The following PPP1R42 variants were observed in gnomAD, a reference collection of about 807,000 sequenced individuals.
PPP1R42 encodes the protein leucine rich repeat containing 67.
PPP1R42 carries 34 observed loss-of-function variants against 31.0 expected under a neutral mutation model. That is an observed-to-expected ratio of 1.10 (90% CI 0.83 to 1.46). The LOEUF is 1.46. PPP1R42 is among the 40% of genes most tolerant of loss of function. PPP1R42 has a pLI of 0.00. For missense variants in PPP1R42, 268 were observed against 303.0 expected (o/e 0.88, Z 0.86); for synonymous variants, 103 against 109.8 (o/e 0.94, Z 0.39).
intron 1 of PPP1R42, among the ~76,000 whole-genome samples, chr8:67,020,052 C>T (rs957341720): frequency 6.6e-6 from 1 of 152,128 alleles, no homozygotes; most frequent in Non-Finnish European, 1.5e-5. Flanking sequence ...AATCAGAACA[C>T]ATGGTGTGAA....
rs545725123 is a variant in PPP1R42, at chr8:67,005,129, A to G, written c.552+5586T>C. On this transcript the variant is annotated intron_variant, in intron 5 of 7. Transcript: ENST00000685739. Reference sequence around the variant, plus strand: ...TTTTTTTTTTTTTTTTTTTTTTAGCATTACCATTTGTTGTGGTTTTTGACC... The same window carrying G: ...TTTTTTTTTTTTTTTTTTTTTTAGCGTTACCATTTGTTGTGGTTTTTGACC... Among the ~76,000 whole-genome samples, 94 of 116,348 alleles carry G rather than the reference A, an allele frequency of 8.1e-4. 1 individual carries two copies. Among genetic ancestry groups the G allele is most frequent in the Non-Finnish European group, 1.1e-4 (6 of 56,940 alleles). 76.3% of individuals were successfully genotyped at this position (116,348 alleles called of 152,430 possible). A position where few individuals can be genotyped will look rare whatever the true frequency, so the allele number is the denominator to read the frequency against.
chr8:67,020,086 G>A (rs528666367), intron 1 of PPP1R42, among the ~76,000 whole-genome samples: 1 of 152,226 alleles, frequency 6.6e-6, no homozygotes, highest in African/African-American at 2.4e-5. Flanking sequence ...TAGGACAATG[G>A]TGCAAAATAC....
At chr8:66,968,692 C>T (rs1046250606) in intron 7 of PPP1R42, among the ~76,000 whole-genome samples, 3 of 151,972 alleles carry the variant, frequency 2.0e-5, no homozygotes, top group African/African-American at 4.8e-5. Flanking sequence ...AAGGCATGCC[C>T]TGAAAATCTG....
At position 67,028,495 on chromosome 8, in the gene PPP1R42, C is replaced by T; in HGVS notation, c.-89G>A. On this transcript the variant is annotated 5_prime_UTR_variant, in exon 1 of 8. Transcript: ENST00000685739. The stretch of plus-strand genomic sequence containing the variant: ...TATTCCCCGCGGGCAGCTCACCGCT[C>T]GCGGGACAGTCCGGTAGCTAACTCC... The T allele has an allele frequency of 1.0e-6, 1 of 985,530 alleles. No individual in the cohort carries two copies. Among genetic ancestry groups the T allele is most frequent in the Non-Finnish European group, 1.2e-6 (1 of 829,962 alleles). 61.0% of individuals were successfully genotyped at this position (985,530 alleles called of 1,614,324 possible). A position where few individuals can be genotyped will look rare whatever the true frequency, so the allele number is the denominator to read the frequency against.
chr8:66,985,734 G>T (rs1307487138), intron 6 of PPP1R42: 1 of 1,290,068 alleles, frequency 7.8e-7, no homozygotes, highest in Non-Finnish European at 1.1e-6. Flanking sequence ...GAGGTGTAGG[G>T]GGGCTAATGA....
chr8:66,971,091 C>A, intron 7 of PPP1R42: 1 of 1,534,220 alleles, frequency 6.5e-7, no homozygotes, highest in East Asian at 2.4e-5. Flanking sequence ...TTGGCTTACC[C>A]ACCTGTGGGT....
chr8:67,019,606 A>C (rs1235983821), intron 1 of PPP1R42, among the ~76,000 whole-genome samples: 1 of 152,100 alleles, frequency 6.6e-6, no homozygotes, highest in Middle Eastern at 3.4e-3. Flanking sequence ...AATATCCTCT[A>C]ATGTTCTCAT....
At position 67,023,126 on chromosome 8, in the gene PPP1R42, ATTTG is replaced by A. The variant is rs940852959; in HGVS notation, c.-84-5299_-84-5296del. On this transcript the variant is annotated intron_variant, in intron 1 of 7. Coordinates refer to ENST00000685739, the MANE Select transcript of PPP1R42 (RefSeq NM_001364910.1). ...GTTTTTTGTTTTGTTTTGTTTTTTC[ATTTG>A]TTTGTTTGTTTTTGAGACAGGGTCT... 2.7e-4 allele frequency among the ~76,000 whole-genome samples: 40 copies of A among 150,894 alleles called. No individual in the cohort carries two copies. The Middle Eastern group carries it at 0.01, about 38-fold the overall frequency.
At chr8:66,966,157 G>A (rs897044646) in intron 7 of PPP1R42, among the ~76,000 whole-genome samples, 2 of 152,192 alleles carry the variant, frequency 1.3e-5, no homozygotes, top group Non-Finnish European at 2.9e-5. Context: ...TTGCCAGCTA[G>A]TGCGATGCAT....
intron 5 of PPP1R42, among the ~76,000 whole-genome samples, chr8:66,993,806 C>A (rs1023982504): frequency 6.6e-6 from 1 of 152,014 alleles, no homozygotes; most frequent in Non-Finnish European, 1.5e-5. Flanking sequence ...AGTACTGCCA[C>A]ATAGTAGGTG....
intron 5 of PPP1R42, among the ~76,000 whole-genome samples, chr8:67,007,157 C>T (rs578176742): frequency 6.6e-6 from 1 of 151,966 alleles, no homozygotes; most frequent in Non-Finnish European, 1.5e-5. Context: ...GGATTACAGG[C>T]GTGAGCCACT....
At chr8:67,022,014 A>G (rs1283614026) in intron 1 of PPP1R42, among the ~76,000 whole-genome samples, 2 of 152,012 alleles carry the variant, frequency 1.3e-5, no homozygotes, top group African/African-American at 2.4e-5. Flanking sequence ...ATCATTTAGC[A>G]CATGTGCAAG....
At chr8:66,980,967 C>T (rs982385660) in intron 7 of PPP1R42, among the ~76,000 whole-genome samples, 3 of 151,902 alleles carry the variant, frequency 2.0e-5, no homozygotes, top group Non-Finnish European at 2.9e-5. Flanking sequence ...CTCAGCCTCC[C>T]GAGTAGCTGG....
At chr8:67,002,268 C>T (rs1815514908) in intron 5 of PPP1R42, among the ~76,000 whole-genome samples, 1 of 152,176 alleles carries the variant, frequency 6.6e-6, no homozygotes. Context: ...GGCACGATCT[C>T]GGCTCACTGC....
Position 67,013,077 on chromosome 8 carries a change from T to C in PPP1R42, c.316A>G (p.Ile106Val), listed in dbSNP as rs894219299. The stretch of plus-strand genomic sequence containing the variant: ...CCTTCTAAACCTTCTATGACAGCAA[T>C]GTAATTGCCTCCCAGATACCTGCAA... ...LEKLYLGGNYIAVIEGLEGLG... is the reference protein window; with the variant it reads ...LEKLYLGGNYVAVIEGLEGLG... The change falls in exon 4 of 8, where the codon ATT becomes GTT. Residue 106 changes from isoleucine to valine, a missense_variant. Coordinates refer to ENST00000685739, the MANE Select transcript of PPP1R42 (RefSeq NM_001364910.1). 6.3e-7 allele frequency: 1 copy of C among 1,599,762 alleles called. No individual in the cohort carries two copies.
chr8:66,967,452 G>A, intron 7 of PPP1R42, among the ~76,000 whole-genome samples: 1 of 152,254 alleles, frequency 6.6e-6, no homozygotes, highest in Admixed American at 6.5e-5. Context: ...GTTTAACAAA[G>A]CAAAATTTGC....
chr8:67,019,749 A>G (rs866916518), intron 1 of PPP1R42, among the ~76,000 whole-genome samples: 1 of 151,486 alleles, frequency 6.6e-6, no homozygotes. Flanking sequence ...TTAGCCAGGC[A>G]TGGTGGCGGG....
intron 6 of PPP1R42, chr8:66,984,818 G>C (rs1295099058): frequency 2.0e-5 from 32 of 1,603,592 alleles, no homozygotes; most frequent in Admixed American, 3.3e-5. Context: ...TCTGGAGGAG[G>C]CATCAGGCCC....
At chr8:66,981,483 G>A (rs1346957678) in intron 7 of PPP1R42, among the ~76,000 whole-genome samples, 2 of 151,358 alleles carry the variant, frequency 1.3e-5, no homozygotes, top group Admixed American at 6.6e-5. Context: ...GGGTTCAAGC[G>A]ATTCTCCTGC....
Sources: gnomAD v4.1 joint callset for allele counts (sites outside exome capture counted in the v4.1 genomes callset) on GRCh38, gnomAD v4.1.1 for gene constraint, MANE v1.5 for transcripts, NCBI Gene and HGNC (gene_info 2026-07-23, HGNC 2026-07-21) for gene names.